Variants in DYNLT2B observed in about 807,000 individuals in gnomAD.
DYNLT2B encodes dynein light chain Tctex-type protein 2B.
A neutral mutation model predicts 19.5 loss-of-function variants in DYNLT2B; 14 were observed. That is an observed-to-expected ratio of 0.72 (90% CI 0.47 to 1.12). DYNLT2B has a LOEUF of 1.12. Ranked by LOEUF, DYNLT2B falls within the 50% of genes most tolerant of loss-of-function variation. The pLI is 0.00. For synonymous variants in DYNLT2B, 70 were observed against 59.7 expected, an observed-to-expected ratio of 1.17 and a Z score of -0.79; for missense variants, 133 against 174.7, an observed-to-expected ratio of 0.76 and a Z score of 1.35.
Position 196,316,181 on chromosome 3 carries a change from T to G in DYNLT2B, c.164A>C (p.Glu55Ala), listed in dbSNP as rs17851871. ...TGGAGAATATTCAGCATTTGCCAGTTCCTCCTTGAGCACAGCATGGATACA... is the reference window on the plus strand; with the variant it reads ...TGGAGAATATTCAGCATTTGCCAGTGCCTCCTTGAGCACAGCATGGATACA... ...KDCIHAVLKE[E>A]LANAEYSPEE... The change falls in exon 2 of 5, where the codon GAA (glutamate) becomes GCA (alanine). Residue 55 changes from glutamate to alanine, a missense_variant. Glu to Ala is a moderately radical substitution (Grantham distance 107, BLOSUM62 -1). Transcript: ENST00000325318. 6.2e-7 allele frequency: 1 copy of G among 1,613,888 alleles called. No homozygotes were observed. The highest frequency in any genetic ancestry group is 1.7e-5 in the Admixed American group (1 of 59,966).
At chr3:196,316,302 C>T (rs1022288565) in intron 1 of DYNLT2B, 71 bp from the exon 2 acceptor site, 1 of 1,493,494 alleles carries the variant, frequency 6.7e-7, no homozygotes, top group Admixed American at 2.2e-5. Flanking sequence ...ACCGCAACTT[C>T]TCCCATCTTT....
At chr3:196,304,278 T>G (rs542750338) in intron 3 of DYNLT2B, among the ~76,000 whole-genome samples, 1 of 151,890 alleles carries the variant, frequency 6.6e-6, no homozygotes, top group Admixed American at 6.6e-5. Context: ...GTTACAGGTG[T>G]GCACCACCAT....
chr3:196,306,760 T>G (rs1442837626), intron 3 of DYNLT2B, among the ~76,000 whole-genome samples, 183 bp downstream of exon 3: 1 of 151,902 alleles, frequency 6.6e-6, no homozygotes, highest in Non-Finnish European at 1.5e-5. Context: ...AGGCTGGTCT[T>G]GAACTCCTGA....
At chr3:196,298,904 A>AT (rs1361403087) in intron 3 of DYNLT2B, among the ~76,000 whole-genome samples, 1 of 151,758 alleles carries the variant, frequency 6.6e-6, no homozygotes, top group Non-Finnish European at 1.5e-5. Context: ...ACTTTTTAAA[A>AT]TTTTTTTATT....
intron 2 of DYNLT2B, among the ~76,000 whole-genome samples, chr3:196,312,622 C>G (rs1726672386): frequency 1.3e-5 from 2 of 151,852 alleles, no homozygotes; most frequent in Admixed American, 1.3e-4. Flanking sequence ...CCACGCCCGG[C>G]TAATTTTTGT....
chr3:196,314,181 C>G (rs1454711793), intron 2 of DYNLT2B, among the ~76,000 whole-genome samples: 2 of 151,782 alleles, frequency 1.3e-5, no homozygotes, highest in African/African-American at 4.8e-5. Flanking sequence ...GATATTCTTT[C>G]TCTTCAAAAA....
chr3:196,303,531 A>C (rs1726410536), intron 3 of DYNLT2B, among the ~76,000 whole-genome samples: 1 of 152,202 alleles, frequency 6.6e-6, no homozygotes, highest in Non-Finnish European at 1.5e-5. Context: ...ATATGATATG[A>C]CGAGAATGGC....
intron 2 of DYNLT2B, chr3:196,315,248 T>C (rs760776950): frequency 7.2e-6 from 3 of 417,924 alleles, no homozygotes; most frequent in South Asian, 3.5e-5. Context: ...AATAGAGATG[T>C]TTTATTTTTT....
At chr3:196,313,715 G>A (rs911636102) in intron 2 of DYNLT2B, among the ~76,000 whole-genome samples, 2 of 152,106 alleles carry the variant, frequency 1.3e-5, no homozygotes, top group African/African-American at 4.8e-5. Flanking sequence ...GTACTTTTCT[G>A]TATTTTTTAA....
intron 2 of DYNLT2B, among the ~76,000 whole-genome samples, chr3:196,311,260 C>G (rs563412610): frequency 6.6e-6 from 1 of 151,878 alleles, no homozygotes; most frequent in South Asian, 2.1e-4. Context: ...ACAAAAAATA[C>G]AAAAATTAGC....
At chr3:196,312,014 G>A (rs1209450634) in intron 2 of DYNLT2B, among the ~76,000 whole-genome samples, 1 of 152,030 alleles carries the variant, frequency 6.6e-6, no homozygotes, top group African/African-American at 2.4e-5. Context: ...GTCTCAGCCT[G>A]GGATTACAGG....
At chr3:196,295,311 C>T (rs148186494) in intron 4 of DYNLT2B, among the ~76,000 whole-genome samples, 1,716 of 152,240 alleles carry the variant, frequency 0.011, 8 homozygotes, top group Non-Finnish European at 0.017. Flanking sequence ...CAGGTGCCCG[C>T]CACCATGCTC....
intron 2 of DYNLT2B, among the ~76,000 whole-genome samples, chr3:196,315,701 C>T (rs1726769154): frequency 6.6e-6 from 1 of 151,888 alleles, no homozygotes; most frequent in Non-Finnish European, 1.5e-5. Context: ...GGAGAAACCC[C>T]GTCTCTACTA....
At chr3:196,310,449 G>A (rs1040519442) in intron 2 of DYNLT2B, among the ~76,000 whole-genome samples, 1 of 149,770 alleles carries the variant, frequency 6.7e-6, no homozygotes, top group Non-Finnish European at 1.5e-5. Context: ...GGTTTTTTGA[G>A]AGGGAATCTC....
At chr3:196,306,785 C>T (rs1482665314) in intron 3 of DYNLT2B, among the ~76,000 whole-genome samples, 158 bp downstream of exon 3, 1 of 152,178 alleles carries the variant, frequency 6.6e-6, no homozygotes, top group Non-Finnish European at 1.5e-5. Flanking sequence ...AGGTGATCCA[C>T]CCGCCTCAGC....
rs1240088316 is a variant in DYNLT2B at position 196,318,177 on chromosome 3, A to C, written c.-25T>G. 7.2e-7 allele frequency: 1 copy of C among 1,397,194 alleles called. No individual in the cohort carries two copies. Among genetic ancestry groups the C allele is most frequent in the South Asian group, 1.3e-5 (1 of 75,428 alleles). 86.5% of individuals were successfully genotyped at this position (1,397,194 alleles called of 1,614,324 possible). On this transcript the variant is annotated 5_prime_UTR_variant, in exon 1 of 5. Transcript: ENST00000325318. ...TGCCGGGGCTTCTCGGTCCGGGCGT[A>C]GCTCGCGATGAAGGCCTAGCGGGTT... is the stretch of plus-strand genomic sequence containing the variant.
At chr3:196,293,025 TG>T (rs1726133129) in intron 4 of DYNLT2B, among the ~76,000 whole-genome samples, 1 of 152,168 alleles carries the variant, frequency 6.6e-6, no homozygotes, top group Admixed American at 6.5e-5. Context: ...GGCTAGTTTT[TG>T]TATTTTTAGT....
In DYNLT2B at chr3:196,309,947, C is replaced by CAAA. The variant is rs113938332; in HGVS notation, c.248-2938_248-2936dup. ...TGTGCAACAAGACCGAAACTCAGTC[C>CAAA]AAAAAAAAAAAGAAAAGAAAAGAAA... On this transcript the variant is annotated intron_variant, in intron 2 of 4. Transcript: ENST00000325318. Among the ~76,000 whole-genome samples, 126 of 129,706 alleles carry CAAA rather than the reference C, an allele frequency of 9.7e-4. 1 individual carries two copies. The highest frequency in any genetic ancestry group is 3.3e-3 in the South Asian group (14 of 4,252). 85.1% of individuals were successfully genotyped at this position (129,706 alleles called of 152,430 possible).
chr3:196,300,306 C>T (rs971245516), intron 3 of DYNLT2B, among the ~76,000 whole-genome samples: 1 of 152,194 alleles, frequency 6.6e-6, no homozygotes, highest in African/African-American at 2.4e-5. Context: ...GAAAAAGCCT[C>T]TGACATGAAG....
Sources: gnomAD v4.1 joint callset for allele counts (sites outside exome capture counted in the v4.1 genomes callset) on GRCh38, gnomAD v4.1.1 for gene constraint, MANE v1.5 for transcripts, NCBI Gene and HGNC (gene_info 2026-07-23, HGNC 2026-07-21) for gene names.